C1QTNF9: variants seen among roughly 807,000 people sequenced by gnomAD.
C1QTNF9 encodes the protein complement C1q and tumor necrosis factor-related protein 9A.
C1QTNF9 carries 6 observed loss-of-function variants against 10.1 expected under a neutral mutation model. That is an observed-to-expected ratio of 0.59 (90% CI 0.32 to 1.17). The LOEUF (loss-of-function observed/expected upper bound fraction) is 1.17, where lower values mean the gene tolerates loss of function less well. Among genes scored for constraint, C1QTNF9 ranks in the 50% most tolerant of loss-of-function variants. C1QTNF9 has a pLI of 0.04. For synonymous variants in C1QTNF9, 98 were observed against 163.5 expected, an observed-to-expected ratio of 0.60 and a Z score of 3.06; for missense variants, 201 against 418.8, an observed-to-expected ratio of 0.48 and a Z score of 4.54.
At chr13:24,317,180 G>A (rs1878070660) in intron 2 of C1QTNF9, among the ~76,000 whole-genome samples, 4 of 152,002 alleles carry the variant, frequency 2.6e-5, no homozygotes, top group Admixed American at 2.0e-4. Flanking sequence ...GTAGCAAACA[G>A]CCCAGTCCAA....
Position 24,321,901 on chromosome 13 carries a change from T to C in C1QTNF9, c.*133T>C, listed in dbSNP as rs1469635365. ...AAAAAGGTGAAAATGGAAAAGTTATTCCCAAAACTGATTCTGTGTAACTTA... is the reference window on the plus strand; with the variant it reads ...AAAAAGGTGAAAATGGAAAAGTTATCCCCAAAACTGATTCTGTGTAACTTA... On this transcript the variant is annotated 3_prime_UTR_variant, in exon 4 of 4. Coordinates refer to ENST00000332018, the Ensembl canonical transcript of C1QTNF9. 2.4e-5 allele frequency: 30 copies of C among 1,257,324 alleles called. No individual in the cohort carries two copies. In the African/African-American group the frequency reaches 3.3e-4, roughly 14 times the overall value. The allele number at this position is 1,257,324 out of a possible 1,614,324, so 77.9% of individuals were successfully genotyped here. A position where few individuals can be genotyped will look rare whatever the true frequency, so the allele number is the denominator to read the frequency against.
chr13:24,309,154 A>G (rs1035864107), upstream of C1QTNF9, among the ~76,000 whole-genome samples: 4 of 151,890 alleles, frequency 2.6e-5, no homozygotes, highest in African/African-American at 9.7e-5. Context: ...AGGGAGAAGC[A>G]CTGAAGCAAA....
At chr13:24,318,036 C>T (rs1298601908) in intron 2 of C1QTNF9, among the ~76,000 whole-genome samples, 1 of 152,174 alleles carries the variant, frequency 6.6e-6, no homozygotes, top group Non-Finnish European at 1.5e-5. Flanking sequence ...CAGCCTGCCC[C>T]TGTCGCCCCA....
At chr13:24,319,211 A>G (rs891419571) in intron 3 of C1QTNF9, among the ~76,000 whole-genome samples, 2 of 152,142 alleles carry the variant, frequency 1.3e-5, no homozygotes, top group African/African-American at 4.8e-5. Context: ...CATGGTTTCC[A>G]TGTATTGTGG....
intron 1 of C1QTNF9, among the ~76,000 whole-genome samples, chr13:24,314,251 T>G (rs1005784865): frequency 3.9e-5 from 6 of 152,028 alleles, no homozygotes; most frequent in Admixed American, 6.6e-5. Flanking sequence ...TTTTTTTAAA[T>G]CCTAAAAGTC....
At chr13:24,311,859 C>T (rs7320555) in intron 1 of C1QTNF9, among the ~76,000 whole-genome samples, 8,661 of 152,248 alleles carry the variant, frequency 0.057, 374 homozygotes, top group African/African-American at 0.13. Flanking sequence ...ACATGGTTCA[C>T]CATGCCATGC....
upstream of C1QTNF9, among the ~76,000 whole-genome samples, chr13:24,309,283 T>TTTTATATATATATA (rs1422107558): frequency 1.8e-3 from 123 of 68,280 alleles, 2 homozygotes; most frequent in Admixed American, 4.6e-3. Context: ...ACTTAAAGTA[T>TTTTATATATATATA]TATATATATA....
intron 1 of C1QTNF9, among the ~76,000 whole-genome samples, chr13:24,313,777 C>T (rs943325785): frequency 2.6e-5 from 4 of 152,224 alleles, no homozygotes; most frequent in Admixed American, 2.6e-4. Context: ...GCTCCCATAA[C>T]TGCCCCCCAT....
upstream of C1QTNF9, among the ~76,000 whole-genome samples, chr13:24,308,541 G>T (rs1038996586): frequency 6.6e-6 from 1 of 152,264 alleles, no homozygotes; most frequent in Non-Finnish European, 1.5e-5. Context: ...CATGTCCGCT[G>T]CACTGACGGG....
At chr13:24,309,813 C>G (rs1322601252) in intron 1 of C1QTNF9, among the ~76,000 whole-genome samples, 197 bp downstream of exon 1, 3 of 152,138 alleles carry the variant, frequency 2.0e-5, no homozygotes, top group Non-Finnish European at 1.5e-5. Flanking sequence ...GAGATAAAAG[C>G]AGATTTTGAA....
intron 1 of C1QTNF9, among the ~76,000 whole-genome samples, chr13:24,310,320 C>CTT (rs59368172): frequency 7.1e-6 from 1 of 140,744 alleles, no homozygotes; most frequent in East Asian, 2.1e-4. Flanking sequence ...CGCCTGGCTA[C>CTT]TTTTTTTTTT....
intron 3 of C1QTNF9, among the ~76,000 whole-genome samples, chr13:24,319,943 G>A (rs1202099675): frequency 6.6e-6 from 1 of 152,144 alleles, no homozygotes; most frequent in South Asian, 2.1e-4. Flanking sequence ...GTGCATATGG[G>A]GACAGAATGG....
chr13:24,314,916 C>T (rs1877970879), intron 1 of C1QTNF9, among the ~76,000 whole-genome samples: 1 of 151,458 alleles, frequency 6.6e-6, no homozygotes, highest in Non-Finnish European at 1.5e-5. Context: ...TGTGTGTGGC[C>T]CTTCTTCACA....
At chr13:24,308,533 T>C (rs1282831751), upstream of C1QTNF9, among the ~76,000 whole-genome samples, 3 of 152,194 alleles carry the variant, frequency 2.0e-5, no homozygotes, top group East Asian at 5.8e-4. Flanking sequence ...GGCATTGTCA[T>C]GTCCGCTGCA....
At chr13:24,311,960 C>G (rs1053938137) in intron 1 of C1QTNF9, among the ~76,000 whole-genome samples, 1 of 152,178 alleles carries the variant, frequency 6.6e-6, no homozygotes, top group African/African-American at 2.4e-5. Flanking sequence ...TTGCTCATCC[C>G]CATGGCCCGT....
intron 3 of C1QTNF9, among the ~76,000 whole-genome samples, chr13:24,320,220 A>T (rs149551561): frequency 2.6e-5 from 4 of 152,090 alleles, no homozygotes; most frequent in Non-Finnish European, 5.9e-5. Flanking sequence ...GCTTTCTGTC[A>T]TGGATTGACA....
intron 1 of C1QTNF9, among the ~76,000 whole-genome samples, chr13:24,312,960 A>AG (rs1227529674): frequency 1.3e-5 from 2 of 151,502 alleles, no homozygotes; most frequent in East Asian, 3.9e-4. Flanking sequence ...ATCTCAAAAA[A>AG]AAAAAAAAAG....
At chr13:24,320,595 G>A (rs35143910) in intron 3 of C1QTNF9, among the ~76,000 whole-genome samples, 3 of 152,274 alleles carry the variant, frequency 2.0e-5, no homozygotes, top group Admixed American at 6.5e-5. Context: ...ATGTTGCCTA[G>A]GCTGATCTTG....
At position 24,320,208 on chromosome 13, in the gene C1QTNF9, G is replaced by C. The variant is rs138140104; in HGVS notation, c.230-788G>C. Among the ~76,000 whole-genome samples, 123 of 152,060 alleles carry C rather than the reference G, an allele frequency of 8.1e-4. 1 individual carries two copies. Among genetic ancestry groups the C allele is most frequent in the African/African-American group, 2.8e-3 (115 of 41,514 alleles). On this transcript the variant is annotated intron_variant, in intron 3 of 3. Coordinates refer to ENST00000332018, the Ensembl canonical transcript of C1QTNF9. Reference sequence around the variant, plus strand: ...AATCTACCTGTCTCTGCTCTGAAGAGTGCTTTCTGTCATGGATTGACATTA... The same window carrying C: ...AATCTACCTGTCTCTGCTCTGAAGACTGCTTTCTGTCATGGATTGACATTA...
Sources: allele counts gnomAD v4.1 joint callset (sites outside exome capture counted in the v4.1 genomes callset), GRCh38; gene constraint gnomAD v4.1.1; transcripts MANE v1.5; gene names NCBI Gene and HGNC (gene_info 2026-07-23, HGNC 2026-07-21).